Variants in CTNNA3 observed in about 807,000 individuals in gnomAD.
CTNNA3 encodes the protein catenin alpha-3.
In CTNNA3, 76 loss-of-function variants were observed where a neutral mutation model predicts 95.7. The ratio of observed to expected loss-of-function variants is 0.79; its 90% CI spans 0.66 to 0.96. The LOEUF (loss-of-function observed/expected upper bound fraction) is 0.96, where lower values mean the gene tolerates loss of function less well. CTNNA3 is among the 40% of genes least tolerant of loss of function. CTNNA3 has a pLI of 0.00. For synonymous variants in CTNNA3, 431 were observed against 374.4 expected (o/e 1.15, Z -1.74); for missense variants, 1,191 against 1,089.8 (o/e 1.09, Z -1.31).
chr10:66,015,686 G>T (rs2133405968), intron 15 of CTNNA3, among the ~76,000 whole-genome samples: 1 of 152,180 alleles, frequency 6.6e-6, no homozygotes, highest in Admixed American at 6.5e-5. Context: ...CCTTTCCATA[G>T]AAAAAGTTTG....
chr10:67,430,113 A>C (rs1403119615), intron 5 of CTNNA3, among the ~76,000 whole-genome samples: 1 of 151,976 alleles, frequency 6.6e-6, no homozygotes, highest in East Asian at 1.9e-4. Flanking sequence ...ATTTTCAAGC[A>C]ATGCTACTTG....
intron 9 of CTNNA3, among the ~76,000 whole-genome samples, chr10:66,649,254 G>A (rs1488578756): frequency 2.0e-5 from 3 of 152,092 alleles, no homozygotes; most frequent in Non-Finnish European, 4.4e-5. Context: ...ATTAGAAAAG[G>A]TTTATAAAGA....
At chr10:65,975,813 A>G (rs1003209320) in intron 16 of CTNNA3, among the ~76,000 whole-genome samples, 4 of 152,126 alleles carry the variant, frequency 2.6e-5, no homozygotes, top group Non-Finnish European at 5.9e-5. Flanking sequence ...TGCATACACA[A>G]TAATCTCTTC....
chr10:66,346,246 TAGAGAGAG>T (rs371257440), intron 12 of CTNNA3, among the ~76,000 whole-genome samples: 3 of 27,774 alleles, frequency 1.1e-4, no homozygotes, highest in Admixed American at 3.6e-4. Context: ...TATATATATA[TAGAGAGAG>T]AGAGAGAGAG....
intron 13 of CTNNA3, among the ~76,000 whole-genome samples, chr10:66,154,650 C>T (rs1252729381): frequency 1.4e-5 from 2 of 142,590 alleles, no homozygotes; most frequent in Admixed American, 7.4e-5. Context: ...TAGTATATTT[C>T]GTTTTTAGAA....
At chr10:66,452,736 G>C (rs2093472422) in intron 11 of CTNNA3, among the ~76,000 whole-genome samples, 1 of 151,938 alleles carries the variant, frequency 6.6e-6, no homozygotes, top group Non-Finnish European at 1.5e-5. Context: ...GTATTTTTTA[G>C]GCCCTGCCTT....
At chr10:66,659,217 CAT>C (rs1491558061) in intron 9 of CTNNA3, among the ~76,000 whole-genome samples, 9 of 147,036 alleles carry the variant, frequency 6.1e-5, no homozygotes, top group South Asian at 2.1e-4. Context: ...CACACACACA[CAT>C]ACGTGTAGTT....
chr10:67,478,471 GC>G (rs1848101193), intron 5 of CTNNA3, among the ~76,000 whole-genome samples: 1 of 152,096 alleles, frequency 6.6e-6, no homozygotes, highest in Non-Finnish European at 1.5e-5. Context: ...GAGATTGGGA[GC>G]TCATTTTCAG....
At chr10:67,571,207 GA>G (rs1431641477) in intron 3 of CTNNA3, among the ~76,000 whole-genome samples, 1 of 152,052 alleles carries the variant, frequency 6.6e-6, no homozygotes, top group African/African-American at 2.4e-5. Flanking sequence ...CTCAAATCTA[GA>G]AAGAAAAAAT....
upstream of CTNNA3, among the ~76,000 whole-genome samples, chr10:67,698,488 GA>G (rs1400558596): frequency 3.9e-5 from 6 of 152,270 alleles, no homozygotes; most frequent in South Asian, 6.2e-4. Flanking sequence ...GCCTCTCTTG[GA>G]AAATAAATCC....
intron 17 of CTNNA3, among the ~76,000 whole-genome samples, chr10:65,936,603 A>T (rs2133162740): frequency 6.6e-6 from 1 of 152,172 alleles, no homozygotes; most frequent in African/African-American, 2.4e-5. Flanking sequence ...GGAAATTTAC[A>T]CTTAGATGTG....
chr10:67,150,822 G>C (rs1007658917), intron 7 of CTNNA3, among the ~76,000 whole-genome samples: 1 of 152,090 alleles, frequency 6.6e-6, no homozygotes, highest in East Asian at 1.9e-4. Context: ...ATGTTTAACA[G>C]ATTTATCAGC....
intron 10 of CTNNA3, among the ~76,000 whole-genome samples, chr10:66,554,429 A>G (rs563505331): frequency 6.2e-4 from 92 of 147,340 alleles, no homozygotes; most frequent in Middle Eastern, 3.5e-3. Flanking sequence ...TTTTTAAAAA[A>G]AATAATTCTT....
chr10:66,123,980 A>C (rs2082706297), intron 13 of CTNNA3, among the ~76,000 whole-genome samples: 1 of 151,968 alleles, frequency 6.6e-6, no homozygotes, highest in African/African-American at 2.4e-5. Flanking sequence ...TACCCTGGAG[A>C]CATTATCCCC....
chr10:66,243,149 A>C (rs2090173306), intron 13 of CTNNA3, among the ~76,000 whole-genome samples: 1 of 152,224 alleles, frequency 6.6e-6, no homozygotes, highest in Non-Finnish European at 1.5e-5. Flanking sequence ...CTGACCAAAC[A>C]GACTCTTTGT....
intron 15 of CTNNA3, among the ~76,000 whole-genome samples, chr10:66,068,990 G>A (rs758158689): frequency 4.6e-5 from 7 of 152,188 alleles, no homozygotes; most frequent in East Asian, 1.9e-4. Context: ...CAATACCAGC[G>A]AATCACTTGG....
rs148320707 is a variant in CTNNA3 at position 67,076,334 on chromosome 10, G to A, written c.1047+103983C>T. On this transcript the variant is annotated intron_variant, in intron 7 of 17. Transcript: ENST00000433211. Reference sequence around the variant, plus strand: ...CTTCAGTCCTCTCCTCAAAATATGAGTAATCATGATCCAGTAGGGCTGGCA... The same window carrying A: ...CTTCAGTCCTCTCCTCAAAATATGAATAATCATGATCCAGTAGGGCTGGCA... 3.0e-3 allele frequency among the ~76,000 whole-genome samples: 453 copies of A among 152,318 alleles called. 3 individuals are homozygous for A. Among genetic ancestry groups the A allele is most frequent in the African/African-American group, 0.01 (434 of 41,576 alleles).
rs372434264 is a variant in CTNNA3 at position 66,456,678 on chromosome 10, A to G, written c.1531+63939T>C. Among the ~76,000 whole-genome samples the G allele has an allele frequency of 4.6e-5, 7 of 152,224 alleles. No homozygotes were observed. In the East Asian group the frequency reaches 1.4e-3, roughly 29 times the overall value. ...GCAACAGAGCAAGACTCCATCTCAA[A>G]AAACAAACAAAAAACACAAACAAAA... On this transcript the variant is annotated intron_variant, in intron 11 of 17. Coordinates refer to ENST00000433211, the MANE Select transcript of CTNNA3 (RefSeq NM_013266.4).
chr10:66,258,769 C>T (rs936570979), intron 13 of CTNNA3, among the ~76,000 whole-genome samples: 5 of 152,062 alleles, frequency 3.3e-5, no homozygotes, highest in African/African-American at 1.2e-4. Flanking sequence ...TCTAAGAAAC[C>T]TTAAAAATAT....
Sources: allele counts gnomAD v4.1 joint callset (sites outside exome capture counted in the v4.1 genomes callset), GRCh38; gene constraint gnomAD v4.1.1; transcripts MANE v1.5; gene names NCBI Gene and HGNC (gene_info 2026-07-23, HGNC 2026-07-21).